GPHN: variants seen among roughly 807,000 people sequenced by gnomAD.
The protein encoded by GPHN is gephyrin.
GPHN carries 17 observed loss-of-function variants against 95.5 expected under a neutral mutation model. That is an observed-to-expected ratio of 0.18 (90% CI 0.12 to 0.27). GPHN has a LOEUF of 0.27. Among genes scored for constraint, GPHN ranks in the 10% least tolerant of loss-of-function variants. GPHN has a pLI of 1.00. For missense variants in GPHN, 660 were observed against 978.1 expected, an observed-to-expected ratio of 0.67 and a Z score of 4.34; for synonymous variants, 320 against 322.5, an observed-to-expected ratio of 0.99 and a Z score of 0.08.
In GPHN at chr14:66,933,912, GCAGATGTCTTAAACC is replaced by G. The variant is rs532832819; in HGVS notation, c.828+9624_828+9638del. 2.9e-3 allele frequency among the ~76,000 whole-genome samples: 439 copies of G among 151,988 alleles called. 3 individuals carry two copies. The highest frequency in any genetic ancestry group is 0.01 in the African/African-American group (429 of 41,478). On this transcript the variant is annotated intron_variant, in intron 8 of 22. Transcript: ENST00000478722. ...CCAGCACTTTGGGAGGCTGAGGTGG[GCAGATGTCTTAAACC>G]CAGGAGTTTGAGACCAACCCGGGCA...
chr14:67,056,614 A>G (rs2075581935), intron 10 of GPHN, among the ~76,000 whole-genome samples: 1 of 152,234 alleles, frequency 6.6e-6, no homozygotes, highest in Admixed American at 6.5e-5. Flanking sequence ...CTCCAGCTAG[A>G]CATAAAAGTT....
chr14:66,758,468 G>A (rs1277877408), intron 2 of GPHN, among the ~76,000 whole-genome samples: 1 of 152,148 alleles, frequency 6.6e-6, no homozygotes, highest in Non-Finnish European at 1.5e-5. Flanking sequence ...GCTTGTCTAA[G>A]GATCCCCAGT....
intron 10 of GPHN, among the ~76,000 whole-genome samples, chr14:67,047,434 C>T (rs1336009310): frequency 6.8e-6 from 1 of 147,708 alleles, no homozygotes; most frequent in African/African-American, 2.5e-5. Flanking sequence ...GGTGCAATCT[C>T]GGCTCACTGC....
In GPHN at chr14:66,969,957, A is replaced by G. The variant is rs114069566; in HGVS notation, c.963+4632A>G. The stretch of plus-strand genomic sequence containing the variant: ...AAGAATATTTTTAAACACTAATTTT[A>G]TTATCGTTTTATTCCCTAAACATCT... On this transcript the variant is annotated intron_variant, in intron 9 of 22. Transcript: ENST00000478722. 6.7e-3 allele frequency: 1,016 copies of G among 152,156 alleles called. 15 individuals are homozygous for G. Among genetic ancestry groups the G allele is most frequent in the African/African-American group, 0.023 (968 of 41,554 alleles). The allele number at this position is 152,156 out of a possible 1,614,324, so 9.4% of individuals were successfully genotyped here.
At chr14:67,276,186 TAC>T in the GPHN span, among the ~76,000 whole-genome samples, 1 of 145,706 alleles carries the variant, frequency 6.9e-6, no homozygotes, top group East Asian at 2.3e-4. Flanking sequence ...TAATTATTCT[TAC>T]TATTTTCAGG....
At chr14:67,197,247 T>C in the GPHN span, 1 of 152,208 alleles carries the variant, frequency 6.6e-6, no homozygotes, top group Non-Finnish European at 1.5e-5. Context: ...TTTGATTTTC[T>C]TTTTGTTGTT....
the GPHN span, chr14:67,580,868 C>G: frequency 1.0e-6 from 1 of 998,980 alleles, no homozygotes; most frequent in Non-Finnish European, 1.6e-6. Flanking sequence ...TGAGTCCAGC[C>G]CTGGCTGGAC....
At chr14:66,827,233 G>A (rs1009790693) in intron 4 of GPHN, among the ~76,000 whole-genome samples, 7 of 151,792 alleles carry the variant, frequency 4.6e-5, no homozygotes, top group African/African-American at 1.7e-4. Context: ...TCGGCGAGCA[G>A]AGATCACAAC....
intron 2 of GPHN, among the ~76,000 whole-genome samples, chr14:66,718,774 C>G (rs1323870178): frequency 6.6e-6 from 1 of 152,172 alleles, no homozygotes; most frequent in Non-Finnish European, 1.5e-5. Flanking sequence ...CTCCAAGTCC[C>G]CACTCGACCC....
the GPHN span, among the ~76,000 whole-genome samples, chr14:67,672,269 C>A: frequency 6.6e-6 from 1 of 151,480 alleles, no homozygotes; most frequent in African/African-American, 2.4e-5. Context: ...CAGGCATGCA[C>A]CACCATGCCT....
chr14:67,727,110 G>T, the GPHN span: 4 of 1,614,182 alleles, frequency 2.5e-6, no homozygotes, highest in Non-Finnish European at 3.4e-6. Context: ...AGCGAGAAGC[G>T]CTACAGCAGG....
intron 1 of GPHN, among the ~76,000 whole-genome samples, chr14:66,607,936 C>T (rs185861367): frequency 3.3e-5 from 5 of 151,516 alleles, no homozygotes; most frequent in African/African-American, 4.8e-5. Flanking sequence ...TTTATTCTTC[C>T]GATAAACCTA....
the GPHN span, chr14:67,695,683 C>A: frequency 6.2e-7 from 1 of 1,614,074 alleles, no homozygotes; most frequent in African/African-American, 1.3e-5. Flanking sequence ...GGAGCAACAG[C>A]GGGAACATGA....
chr14:66,739,601 A>T (rs117857018), intron 2 of GPHN, among the ~76,000 whole-genome samples: 1 of 150,800 alleles, frequency 6.6e-6, no homozygotes, highest in African/African-American at 2.4e-5. Flanking sequence ...AAAGTAGTCT[A>T]TGATGGATAG....
At chr14:66,808,145 T>C (rs991924891) in intron 3 of GPHN, among the ~76,000 whole-genome samples, 1 of 152,252 alleles carries the variant, frequency 6.6e-6, no homozygotes, top group African/African-American at 2.4e-5. Context: ...TTATTAAACA[T>C]CTTTTCATGT....
chr14:66,667,318 T>C (rs1020244761), intron 1 of GPHN, among the ~76,000 whole-genome samples: 1 of 152,070 alleles, frequency 6.6e-6, no homozygotes, highest in African/African-American at 2.4e-5. Context: ...AAATTTGTAC[T>C]GAACCAAAAA....
intron 8 of GPHN, among the ~76,000 whole-genome samples, chr14:66,937,191 A>T (rs1367989027): frequency 6.6e-6 from 1 of 152,074 alleles, no homozygotes; most frequent in Admixed American, 6.6e-5. Flanking sequence ...TTTTGTAAAG[A>T]CAGGGTTTCA....
rs1159870369 is a variant in GPHN, at chr14:66,508,339, CTCCCGGCGCG to C, written c.-188_-179del. 4 of 634,868 alleles carry C rather than the reference CTCCCGGCGCG, an allele frequency of 6.3e-6. No individual in the cohort carries two copies. The highest frequency in any genetic ancestry group is 1.1e-5 in the Non-Finnish European group (4 of 354,994). 39.3% of individuals were successfully genotyped at this position (634,868 alleles called of 1,614,324 possible). A position where few individuals can be genotyped will look rare whatever the true frequency, so the allele number is the denominator to read the frequency against. On this transcript the variant is annotated 5_prime_UTR_variant, in exon 1 of 23. Transcript: ENST00000478722. ...CCTTCCCCTCCCGCGGACCCGCGCA[CTCCCGGCGCG>C]GCCTCTCCCCCACGCAGGCCACCGT...
intron 1 of GPHN, among the ~76,000 whole-genome samples, chr14:66,576,155 T>G (rs1169918376): frequency 6.6e-6 from 1 of 152,040 alleles, no homozygotes; most frequent in Admixed American, 6.5e-5. Flanking sequence ...GCTGGCCTGG[T>G]GCCTTGGGTT....
Sources: gnomAD v4.1 joint callset for allele counts (sites outside exome capture counted in the v4.1 genomes callset) on GRCh38, gnomAD v4.1.1 for gene constraint, MANE v1.5 for transcripts, NCBI Gene and HGNC (gene_info 2026-07-23, HGNC 2026-07-21) for gene names.